NAALAD2: variants seen among roughly 807,000 people sequenced by gnomAD.
NAALAD2 encodes the protein N-acetylated alpha-linked acidic dipeptidase 2, also known as N-acetylated-alpha-linked acidic dipeptidase 2.
Under a neutral mutation model 95.6 loss-of-function variants are expected in NAALAD2, and 89 were observed. The ratio of observed to expected loss-of-function variants is 0.93; its 90% CI spans 0.78 to 1.11. The LOEUF (loss-of-function observed/expected upper bound fraction) is 1.11, where lower values mean the gene tolerates loss of function less well. NAALAD2 is among the 50% of genes least tolerant of loss of function. The pLI, the probability that NAALAD2 is intolerant of heterozygous loss-of-function variation, is 0.00. For missense variants in NAALAD2, 894 were observed against 872.4 expected (o/e 1.02, Z -0.31); for synonymous variants, 264 against 294.4 (o/e 0.90, Z 1.06).
intron 18 of NAALAD2, among the ~76,000 whole-genome samples, chr11:90,184,956 T>C (rs1005150110): frequency 4.6e-5 from 7 of 152,152 alleles, no homozygotes; most frequent in Non-Finnish European, 1.0e-4. Flanking sequence ...TGCATAGCAT[T>C]TACATTGTAT....
At chr11:90,191,132 A>G (rs1857312120) in intron 18 of NAALAD2, among the ~76,000 whole-genome samples, 1 of 152,150 alleles carries the variant, frequency 6.6e-6, no homozygotes, top group African/African-American at 2.4e-5. Context: ...TTTAATGTCT[A>G]AAAAGTATTG....
chr11:90,175,913 A>G (rs751694411), intron 14 of NAALAD2, 59 bp from the exon 15 acceptor site: 13 of 958,654 alleles, frequency 1.4e-5, no homozygotes, highest in Non-Finnish European at 1.9e-5. Flanking sequence ...TTAACTTTGT[A>G]TCATTTACTT....
At chr11:90,161,407 A>AT (rs1306291113) in intron 8 of NAALAD2, among the ~76,000 whole-genome samples, 1 of 152,102 alleles carries the variant, frequency 6.6e-6, no homozygotes. Flanking sequence ...GTTTTTCCCA[A>AT]TTTTTCCTTA....
At chr11:90,154,061 C>A (rs1181228728) in intron 6 of NAALAD2, among the ~76,000 whole-genome samples, 4 of 146,716 alleles carry the variant, frequency 2.7e-5, no homozygotes, top group African/African-American at 9.7e-5. Context: ...CTCTGTCTCT[C>A]TCTCTCTTTC....
At chr11:90,149,487 T>G (rs11018881) in intron 4 of NAALAD2, among the ~76,000 whole-genome samples, 1 of 151,642 alleles carries the variant, frequency 6.6e-6, no homozygotes, top group Non-Finnish European at 1.5e-5. Flanking sequence ...CAGGCTGGAG[T>G]GCAGTGGCAC....
chr11:90,134,600 G>A, upstream of NAALAD2: 2 of 631,132 alleles, frequency 3.2e-6, no homozygotes, highest in East Asian at 2.7e-5. Context: ...GGCCCCTGGG[G>A]ACCACAGGTC....
At chr11:90,166,320 T>TGA (rs968961235) in intron 11 of NAALAD2, among the ~76,000 whole-genome samples, 7 of 151,612 alleles carry the variant, frequency 4.6e-5, no homozygotes, top group South Asian at 2.1e-4. Flanking sequence ...TGTATGTGTA[T>TGA]GAGAGAGAGA....
intron 16 of NAALAD2, 143 bp from the exon 17 acceptor site, chr11:90,181,477 A>G: frequency 1.6e-6 from 1 of 615,578 alleles, no homozygotes; most frequent in Non-Finnish European, 2.9e-6. Flanking sequence ...TTTTCTACTA[A>G]TTTTCATGGA....
intron 3 of NAALAD2, among the ~76,000 whole-genome samples, chr11:90,147,953 G>A (rs1422967146): frequency 6.6e-6 from 1 of 152,194 alleles, no homozygotes; most frequent in Non-Finnish European, 1.5e-5. Context: ...TACTAGCCTA[G>A]TTTTATTGGG....
rs1857011421 is a variant in NAALAD2, at chr11:90,182,979, T to A, written c.2004T>A (p.Pro668=). 1 of 1,612,822 alleles carries A rather than the reference T, an allele frequency of 6.2e-7. No individual in the cohort carries two copies. The highest frequency in any genetic ancestry group is 1.7e-5 in the Admixed American group (1 of 59,952). Reference sequence around the variant, plus strand: ...TCCTGGAAAGAGCATTCATCGATCCTCTTGGTTTACCAGGAAAGCTGTTCT... The same window carrying A: ...TCCTGGAAAGAGCATTCATCGATCCACTTGGTTTACCAGGAAAGCTGTTCT... ...LMLLERAFID[P]LGLPGKLFYR... is the part of the protein sequence containing the mutation. Residue 668 remains proline, a synonymous_variant, in exon 18 of 19, where the codon CCT becomes CCA. Transcript: ENST00000534061.
At chr11:90,172,712 A>C (rs1952677758) in intron 13 of NAALAD2, among the ~76,000 whole-genome samples, 1 of 152,160 alleles carries the variant, frequency 6.6e-6, no homozygotes, top group Non-Finnish European at 1.5e-5. Flanking sequence ...TGTGAGGTCC[A>C]AGAGGGTAGA....
chr11:90,140,865 C>G (rs186463718), intron 2 of NAALAD2, among the ~76,000 whole-genome samples: 3 of 151,996 alleles, frequency 2.0e-5, no homozygotes, highest in Admixed American at 6.6e-5. Context: ...AGTTTCTGAC[C>G]TATTTTGAGT....
At chr11:90,136,688 T>C (rs1951460695) in intron 2 of NAALAD2, among the ~76,000 whole-genome samples, 2 of 152,166 alleles carry the variant, frequency 1.3e-5, no homozygotes, top group Admixed American at 1.3e-4. Context: ...TGATGGAAAT[T>C]TGGGTTGATT....
intron 5 of NAALAD2, among the ~76,000 whole-genome samples, chr11:90,151,596 A>G (rs543277108): frequency 5.3e-5 from 8 of 152,276 alleles, no homozygotes; most frequent in South Asian, 4.1e-4. Flanking sequence ...TTTTCCTTCA[A>G]AAAGTTGTGA....
At chr11:90,135,763 C>G in intron 2 of NAALAD2, 93 bp downstream of exon 2, 1 of 895,066 alleles carries the variant, frequency 1.1e-6, no homozygotes, top group Non-Finnish European at 1.6e-6. Context: ...TGAGGACAGT[C>G]TTCTCTGTGT....
At chr11:90,155,650 CATAT>C (rs1952080160) in intron 6 of NAALAD2, among the ~76,000 whole-genome samples, 1 of 57,220 alleles carries the variant, frequency 1.7e-5, no homozygotes, top group African/African-American at 1.0e-4. Context: ...ATAATTATTA[CATAT>C]GTATGTATTA....
intron 11 of NAALAD2, among the ~76,000 whole-genome samples, chr11:90,165,070 A>G (rs1040234059): frequency 6.6e-6 from 1 of 152,032 alleles, no homozygotes; most frequent in Non-Finnish European, 1.5e-5. Flanking sequence ...AACATGTGGT[A>G]TTTATTTTTC....
intron 2 of NAALAD2, among the ~76,000 whole-genome samples, chr11:90,146,567 G>T (rs1193945795): frequency 6.6e-6 from 1 of 151,834 alleles, no homozygotes; most frequent in Non-Finnish European, 1.5e-5. Context: ...TCAAGACCAT[G>T]TTGGCCAGGC....
chr11:90,133,084 G>A (rs1951377336), upstream of NAALAD2, among the ~76,000 whole-genome samples: 1 of 152,104 alleles, frequency 6.6e-6, no homozygotes, highest in Non-Finnish European at 1.5e-5. Flanking sequence ...ACAAAAAAAA[G>A]TTATGTCCCA....
Sources: gnomAD v4.1 joint callset for allele counts (sites outside exome capture counted in the v4.1 genomes callset) on GRCh38, gnomAD v4.1.1 for gene constraint, MANE v1.5 for transcripts, NCBI Gene and HGNC (gene_info 2026-07-23, HGNC 2026-07-21) for gene names.